Variants in WTIP observed in about 807,000 individuals in gnomAD.
The protein encoded by WTIP is WT1 interacting protein, also known as Wilms tumor protein 1-interacting protein.
In WTIP, 23 loss-of-function variants were observed where a neutral mutation model predicts 41.7. The observed-to-expected ratio is 0.55, with a 90% CI of 0.40 to 0.78. The LOEUF (loss-of-function observed/expected upper bound fraction) is 0.78. Among genes scored for constraint, WTIP ranks in the 30% least tolerant of loss-of-function variants. WTIP has a pLI of 0.00. For synonymous variants in WTIP, 314 were observed against 269.9 expected, an observed-to-expected ratio of 1.16 and a Z score of -1.60; for missense variants, 619 against 610.5, an observed-to-expected ratio of 1.01 and a Z score of -0.15.
At chr19:34,494,320 G>A (rs1461194779) in intron 5 of WTIP, among the ~76,000 whole-genome samples, 2 of 151,952 alleles carry the variant, frequency 1.3e-5, no homozygotes, top group African/African-American at 2.4e-5. Context: ...TTGGGAGGTC[G>A]AGGTGGGTGG....
rs1191696239 is a variant in WTIP at position 34,482,026 on chromosome 19, C to A, written c.52C>A (p.Leu18Met). The change falls in exon 1 of 8, where the codon CTG (leucine) becomes ATG (methionine). Residue 18 changes from leucine (L) to methionine (M), a missense_variant. Leu to Met is a conservative substitution (Grantham distance 15, BLOSUM62 2). Transcript: ENST00000590071. ...ADEAALLLAG[L>M]ALRELEPGCG... ...CGAGGCGGCCCTACTCCTGGCCGGGCTGGCCCTGCGGGAGCTGGAGCCCGG... is the reference window on the plus strand; with the variant it reads ...CGAGGCGGCCCTACTCCTGGCCGGGATGGCCCTGCGGGAGCTGGAGCCCGG... 2.9e-6 allele frequency: 3 copies of A among 1,025,556 alleles called. No individual in the cohort carries two copies. The highest frequency in any genetic ancestry group is 1.7e-5 in the African/African-American group (1 of 57,728). The allele number at this position is 1,025,556 out of a possible 1,614,324, so 63.5% of individuals were successfully genotyped here. A position where few individuals can be genotyped will look rare whatever the true frequency, so the allele number is the denominator to read the frequency against.
chr19:34,486,004 C>T (rs568741486), intron 1 of WTIP, among the ~76,000 whole-genome samples: 1 of 152,234 alleles, frequency 6.6e-6, no homozygotes, highest in African/African-American at 2.4e-5. Flanking sequence ...GAACTTTCCC[C>T]TCTCCCCTCC....
intron 2 of WTIP, among the ~76,000 whole-genome samples, chr19:34,490,749 G>A (rs964764856): frequency 1.3e-5 from 2 of 152,236 alleles, no homozygotes; most frequent in Non-Finnish European, 2.9e-5. Flanking sequence ...CTGCCTGGGA[G>A]CAGCGTCAGA....
chr19:34,496,096 G>C (rs2075851771), intron 7 of WTIP, among the ~76,000 whole-genome samples: 1 of 152,212 alleles, frequency 6.6e-6, no homozygotes, highest in Non-Finnish European at 1.5e-5. Flanking sequence ...GGCAGAGGTT[G>C]CAGTGAGCCG....
intron 1 of WTIP, among the ~76,000 whole-genome samples, chr19:34,484,008 C>T (rs1015942995): frequency 6.7e-6 from 1 of 148,176 alleles, no homozygotes; most frequent in Non-Finnish European, 1.5e-5. Flanking sequence ...CTCACTGCAA[C>T]CTCCGACTCC....
intron 1 of WTIP, 34 bp downstream of exon 1, chr19:34,482,675 C>T: frequency 2.5e-6 from 3 of 1,224,028 alleles, no homozygotes; most frequent in Non-Finnish European, 2.0e-6. Flanking sequence ...TCCCTGCGCG[C>T]ATGGCTGGGG....
Position 34,509,452 on chromosome 19 carries a change from C to T in WTIP, c.*9183C>T, listed in dbSNP as rs1228007712. On this transcript the variant is annotated 3_prime_UTR_variant, in exon 8 of 8. Transcript: ENST00000590071. ...TGAGAACAGTGTGGGGGAAACTGCCCCCATGATTCAGATTCTCTCCCACTG... is the reference window on the plus strand; with the variant it reads ...TGAGAACAGTGTGGGGGAAACTGCCTCCATGATTCAGATTCTCTCCCACTG... The T allele has an allele frequency of 1.3e-5, 2 of 152,162 alleles. No homozygotes were observed. Among genetic ancestry groups the T allele is most frequent in the Admixed American group, 6.5e-5 (1 of 15,270 alleles). 9.4% of individuals were successfully genotyped at this position (152,162 alleles called of 1,614,324 possible).
rs1231388163 is a variant in WTIP, at chr19:34,507,392, T to C, written c.*7123T>C. The C allele has an allele frequency of 6.8e-6, 1 of 147,524 alleles. No individual in the cohort carries two copies. The highest frequency in any genetic ancestry group is 1.5e-5 in the Non-Finnish European group (1 of 67,488). The allele number at this position is 147,524 out of a possible 1,614,324, so 9.1% of individuals were successfully genotyped here. On this transcript the variant is annotated 3_prime_UTR_variant, in exon 8 of 8. Transcript: ENST00000590071. ...TTAAGATGAATGGCTCATATTTGGG[T>C]GCAGTATTTGATGCCCAAAAGAACA...
rs538175526 is a variant in WTIP, at chr19:34,503,904, G to C, written c.*3635G>C. ...CCACGTGGACACATCCTATGTGGGC[G>C]TGAGTGCTCCCTGCAATCCCCAGAC... On this transcript the variant is annotated 3_prime_UTR_variant, in exon 8 of 8. Transcript: ENST00000590071. The C allele has an allele frequency of 6.6e-6, 1 of 152,412 alleles. No homozygotes were observed. The highest frequency in any genetic ancestry group is 2.4e-5 in the African/African-American group (1 of 41,436). The allele number at this position is 152,412 out of a possible 1,614,324, so 9.4% of individuals were successfully genotyped here.
intron 7 of WTIP, among the ~76,000 whole-genome samples, chr19:34,496,516 C>A (rs1182975230): frequency 6.6e-6 from 1 of 152,076 alleles, no homozygotes; most frequent in African/African-American, 2.4e-5. Context: ...CTTTTCCTGC[C>A]CCGCAGAGAG....
rs376875324 is a variant in WTIP, at chr19:34,495,750, C to T, written c.1131C>T (p.His377=). ...IRVVSMDRDY[H]VACYHCEDCG... is the part of the protein sequence containing the mutation. ...TGGTGTCCATGGACAGAGACTACCA[C>T]GTGGCATGTTACCACTGTGAGGTGA... is the stretch of plus-strand genomic sequence containing the variant. Residue 377 remains histidine, a synonymous_variant, in exon 7 of 8, where the codon CAC becomes CAT. Transcript: ENST00000590071. 72 of 1,613,854 alleles carry T rather than the reference C, an allele frequency of 4.5e-5. No homozygotes were observed. The highest frequency in any genetic ancestry group is 1.2e-4 in the African/African-American group (9 of 75,064).
At chr19:34,497,782 G>A (rs1403037222) in intron 7 of WTIP, among the ~76,000 whole-genome samples, 1 of 152,172 alleles carries the variant, frequency 6.6e-6, no homozygotes, top group African/African-American at 2.4e-5. Flanking sequence ...CAGGAGGGAG[G>A]ACAAGGAGCA....
chr19:34,490,139 G>A (rs1050582999), intron 1 of WTIP, among the ~76,000 whole-genome samples: 1 of 152,208 alleles, frequency 6.6e-6, no homozygotes, highest in Admixed American at 6.5e-5. Flanking sequence ...GATTAGCTCC[G>A]ACTCTGCCCT....
rs2075862157 is a variant in WTIP, at chr19:34,497,666, AGTGGCG to A, written c.1152+1900_1152+1905del. ...ACCGCGCCCCAGCAAGAGCAGAGCA[AGTGGCG>A]GTGGGGAATCTGCAGTAGCAATCAG... On this transcript the variant is annotated intron_variant, in intron 7 of 7. Transcript: ENST00000590071. 3.9e-5 allele frequency among the ~76,000 whole-genome samples: 6 copies of A among 152,188 alleles called. No homozygotes were observed. The South Asian group carries it at 1.2e-3, about 32-fold the overall frequency.
chr19:34,494,500 A>G (rs1262252669), intron 5 of WTIP, 86 bp from the exon 6 acceptor site: 8 of 1,349,668 alleles, frequency 5.9e-6, no homozygotes, highest in Non-Finnish European at 8.4e-6. Context: ...GGGCTACGTC[A>G]GTGGGTTCCT....
At chr19:34,495,897 C>G (rs1440434606) in intron 7 of WTIP, 126 bp downstream of exon 7, 1 of 919,554 alleles carries the variant, frequency 1.1e-6, no homozygotes, top group Admixed American at 2.2e-5. Context: ...TGGTTCATGC[C>G]TGTAATCCCA....
At chr19:34,486,492 C>T (rs1179856195) in intron 1 of WTIP, among the ~76,000 whole-genome samples, 1 of 151,964 alleles carries the variant, frequency 6.6e-6, no homozygotes, top group Admixed American at 6.6e-5. Flanking sequence ...CTCAGCCTTC[C>T]AAGTAGCTGG....
At chr19:34,496,609 G>A (rs1289963723) in intron 7 of WTIP, among the ~76,000 whole-genome samples, 1 of 151,690 alleles carries the variant, frequency 6.6e-6, no homozygotes, top group Non-Finnish European at 1.5e-5. Flanking sequence ...ACAGAGGTGG[G>A]CTGAGTTGAG....
At position 34,510,550 on chromosome 19, in the gene WTIP, T is replaced by C. The variant is rs527686911; in HGVS notation, c.*10281T>C. The C allele has an allele frequency of 6.6e-6, 1 of 152,364 alleles. No individual in the cohort carries two copies. The highest frequency in any genetic ancestry group is 2.1e-4 in the South Asian group (1 of 4,834). The allele number at this position is 152,364 out of a possible 1,614,324, so 9.4% of individuals were successfully genotyped here. ...TGCCCTGGAGACATTTTCCCCATTG[T>C]CTTGGGGTTAAACATTCCCCTCCTT... On this transcript the variant is annotated 3_prime_UTR_variant, in exon 8 of 8. Transcript: ENST00000590071.
Sources: gnomAD v4.1 joint callset for allele counts (sites outside exome capture counted in the v4.1 genomes callset) on GRCh38, gnomAD v4.1.1 for gene constraint, MANE v1.5 for transcripts, NCBI Gene and HGNC (gene_info 2026-07-23, HGNC 2026-07-21) for gene names.